Variants in GAN observed in about 807,000 individuals in gnomAD.
GAN encodes gigaxonin.
In GAN, 48 loss-of-function variants were observed where a neutral mutation model predicts 71.3. That is an observed-to-expected ratio of 0.67 (90% CI 0.53 to 0.86). GAN has a LOEUF of 0.86. Ranked by LOEUF, GAN falls within the 40% of genes least tolerant of loss-of-function variation. GAN has a pLI of 0.00. For missense variants in GAN, 928 were observed against 770.1 expected (o/e 1.21, Z -2.43); for synonymous variants, 386 against 276.8 (o/e 1.39, Z -3.92).
chr16:81,377,676 C>A lies in GAN; in HGVS notation c.*80C>A. On this transcript the variant is annotated 3_prime_UTR_variant, in exon 11 of 11. Coordinates refer to ENST00000648994, the MANE Select transcript of GAN (RefSeq NM_022041.4). Reference sequence around the variant, plus strand: ...CCGAAAGGGAGAGCAGAGATGGCAGCTGAAACTCACTCTGTGCTGGGCTTT... The same window carrying A: ...CCGAAAGGGAGAGCAGAGATGGCAGATGAAACTCACTCTGTGCTGGGCTTT... 1.6e-6 allele frequency: 2 copies of A among 1,213,004 alleles called. No individual in the cohort carries two copies. The highest frequency in any genetic ancestry group is 2.5e-6 in the Non-Finnish European group (2 of 815,846). 75.1% of individuals were successfully genotyped at this position (1,213,004 alleles called of 1,614,324 possible).
At chr16:81,359,220 C>T (rs1910590282) in intron 5 of GAN, among the ~76,000 whole-genome samples, 1 of 152,068 alleles carries the variant, frequency 6.6e-6, no homozygotes, top group African/African-American at 2.4e-5. Context: ...AATATATACA[C>T]ATATTCCTAA....
chr16:81,324,693 A>G (rs975128855), intron 1 of GAN, among the ~76,000 whole-genome samples: 102 of 152,282 alleles, frequency 6.7e-4, no homozygotes, highest in African/African-American at 2.3e-3. Flanking sequence ...AGGATATGAG[A>G]AAGGGACAAA....
At chr16:81,330,789 G>T (rs1909549984) in intron 1 of GAN, among the ~76,000 whole-genome samples, 1 of 152,134 alleles carries the variant, frequency 6.6e-6, no homozygotes, top group African/African-American at 2.4e-5. Flanking sequence ...AACCCAAGAG[G>T]TACCACCTTA....
rs1343267805 is a variant in GAN, at chr16:81,379,717, A to G, written c.*2121A>G. On this transcript the variant is annotated 3_prime_UTR_variant, in exon 11 of 11. Transcript: ENST00000648994. Reference sequence around the variant, plus strand: ...CATTCAGCAGCTGTAATTGGGGAACATTAAAACAGTAACTGACATCCAGTT... The same window carrying G: ...CATTCAGCAGCTGTAATTGGGGAACGTTAAAACAGTAACTGACATCCAGTT... 6.6e-6 allele frequency: 1 copy of G among 152,248 alleles called. No individual in the cohort carries two copies. The highest frequency in any genetic ancestry group is 2.4e-5 in the African/African-American group (1 of 41,466). The allele number at this position is 152,248 out of a possible 1,614,324, so 9.4% of individuals were successfully genotyped here. A position where few individuals can be genotyped will look rare whatever the true frequency, so the allele number is the denominator to read the frequency against.
intron 5 of GAN, among the ~76,000 whole-genome samples, chr16:81,361,125 C>G (rs915349509): frequency 2.6e-5 from 4 of 151,932 alleles, no homozygotes; most frequent in Admixed American, 2.6e-4. Flanking sequence ...TTCAGGAGGG[C>G]GATGCAGGAG....
chr16:81,366,024 G>A (rs533171283), intron 9 of GAN, among the ~76,000 whole-genome samples: 32 of 152,272 alleles, frequency 2.1e-4, no homozygotes, highest in African/African-American at 6.7e-4. Flanking sequence ...AGCTCTGTTC[G>A]TATTGCTGCT....
At chr16:81,353,592 T>C (rs901915035) in intron 2 of GAN, among the ~76,000 whole-genome samples, 2 of 152,206 alleles carry the variant, frequency 1.3e-5, no homozygotes, top group Admixed American at 6.5e-5. Context: ...TGTTTCTTGC[T>C]ATACTCCTCA....
chr16:81,333,543 A>G (rs1054173545), intron 1 of GAN, among the ~76,000 whole-genome samples: 1 of 152,192 alleles, frequency 6.6e-6, no homozygotes, highest in African/African-American at 2.4e-5. Flanking sequence ...TATGTAACAC[A>G]ATGGGTACTT....
chr16:81,354,567 G>A lies in GAN; in HGVS notation c.445G>A (p.Val149Ile), dbSNP rs369703737. ...TGCACTACATTACTGCCTCCATCACGTTCATTACCTTGCCACAGAATACCT... is the reference window on the plus strand; with the variant it reads ...TGCACTACATTACTGCCTCCATCACATTCATTACCTTGCCACAGAATACCT... ...DFALHYCLHH[V>I]HYLATEYLET... The change falls in exon 3 of 11, where the codon GTT (valine) becomes ATT (isoleucine). Residue 149 changes from valine to isoleucine, a missense_variant. Transcript: ENST00000648994. The A allele has an allele frequency of 3.0e-5, 48 of 1,613,952 alleles. No individual in the cohort carries two copies. Among genetic ancestry groups the A allele is most frequent in the South Asian group, 1.2e-4 (11 of 91,082 alleles).
At chr16:81,343,645 A>G (rs1332311007) in intron 1 of GAN, among the ~76,000 whole-genome samples, 1 of 152,132 alleles carries the variant, frequency 6.6e-6, no homozygotes, top group African/African-American at 2.4e-5. Context: ...TTTACGACAA[A>G]CCCAGAGCCA....
intron 9 of GAN, among the ~76,000 whole-genome samples, chr16:81,366,825 TTTTCTTTC>T: frequency 6.6e-6 from 1 of 152,116 alleles, no homozygotes; most frequent in East Asian, 1.9e-4. Context: ...AAGTCTTTTT[TTTTCTTTC>T]TTTCTTTTTT....
rs568440897 is a variant in GAN, at chr16:81,334,422, C to A, written c.168-17161C>A. Among the ~76,000 whole-genome samples, 11 of 152,306 alleles carry A rather than the reference C, an allele frequency of 7.2e-5. No homozygotes were observed. In the East Asian group the frequency reaches 2.1e-3, roughly 29 times the overall value. On this transcript the variant is annotated intron_variant, in intron 1 of 10. Transcript: ENST00000648994. ...AGTAAACCCTTGATTTTCCTGAAAC[C>A]TTTCCTGACTTTTCACTACATTGCA...
At chr16:81,366,928 G>A (rs1036653756) in intron 9 of GAN, among the ~76,000 whole-genome samples, 14 of 152,050 alleles carry the variant, frequency 9.2e-5, no homozygotes, top group African/African-American at 1.4e-4. Context: ...GGGTTCAAGC[G>A]ATTCTTCCAC....
intron 9 of GAN, among the ~76,000 whole-genome samples, chr16:81,372,781 A>T (rs1911077374): frequency 6.6e-6 from 1 of 152,238 alleles, no homozygotes; most frequent in South Asian, 2.1e-4. Flanking sequence ...TGAAGACGTG[A>T]AATGTGAATA....
rs1447254047 is a variant in GAN at position 81,379,833 on chromosome 16, T to C, written c.*2237T>C. 1 of 152,262 alleles carries C rather than the reference T, an allele frequency of 6.6e-6. No individual in the cohort carries two copies. Among genetic ancestry groups the C allele is most frequent in the African/African-American group, 2.4e-5 (1 of 41,444 alleles). 9.4% of individuals were successfully genotyped at this position (152,262 alleles called of 1,614,324 possible). On this transcript the variant is annotated 3_prime_UTR_variant, in exon 11 of 11. Transcript: ENST00000648994. ...ACACCAGGCCTCTCCAAGGAGACAG[T>C]TCATTATTTAGGAGTGAATGTGTTC...
In GAN at chr16:81,381,085, C is replaced by G. The variant is rs1291508274; in HGVS notation, c.*3489C>G. ...ATAATTTATGAGTTGGGGGGATTCC[C>G]TAGTCAATGCATAGGAAATACATTC... is the stretch of plus-strand genomic sequence containing the variant. On this transcript the variant is annotated 3_prime_UTR_variant, in exon 11 of 11. Transcript: ENST00000648994. 29 of 152,128 alleles carry G rather than the reference C, an allele frequency of 1.9e-4. No homozygotes were observed. Among genetic ancestry groups the G allele is most frequent in the Non-Finnish European group, 2.1e-4 (14 of 68,018 alleles). The allele number at this position is 152,128 out of a possible 1,614,324, so 9.4% of individuals were successfully genotyped here.
intron 9 of GAN, among the ~76,000 whole-genome samples, chr16:81,375,676 T>C (rs989788104): frequency 1.3e-5 from 2 of 151,410 alleles, no homozygotes; most frequent in African/African-American, 4.9e-5. Context: ...TAAAAGAACA[T>C]AAAATGGGGC....
At position 81,389,870 on chromosome 16, in the gene GAN, A is replaced by G. The variant is rs1211089721; in HGVS notation, c.*12274A>G. The G allele has an allele frequency of 6.6e-6, 1 of 152,170 alleles. No individual in the cohort carries two copies. The highest frequency in any genetic ancestry group is 1.5e-5 in the Non-Finnish European group (1 of 68,040). The allele number at this position is 152,170 out of a possible 1,614,324, so 9.4% of individuals were successfully genotyped here. A position where few individuals can be genotyped will look rare whatever the true frequency, so the allele number is the denominator to read the frequency against. The stretch of plus-strand genomic sequence containing the variant: ...TCACCCTTGTCCAAGACTGGTTTTT[A>G]ACAGTCTTGATTTGTCATTTTGATG... On this transcript the variant is annotated 3_prime_UTR_variant, in exon 11 of 11. Coordinates refer to ENST00000648994, the MANE Select transcript of GAN (RefSeq NM_022041.4).
chr16:81,356,204 T>G (rs1250600690), intron 3 of GAN, among the ~76,000 whole-genome samples: 2 of 151,650 alleles, frequency 1.3e-5, no homozygotes, highest in Non-Finnish European at 2.9e-5. Context: ...TATAAAATAC[T>G]TTCGTCAGTT....
Sources: gnomAD v4.1 joint callset for allele counts (sites outside exome capture counted in the v4.1 genomes callset) on GRCh38, gnomAD v4.1.1 for gene constraint, MANE v1.5 for transcripts, NCBI Gene and HGNC (gene_info 2026-07-23, HGNC 2026-07-21) for gene names.